ZNF695: variants seen among roughly 807,000 people sequenced by gnomAD.
ZNF695 encodes zinc finger protein SBZF3.
In ZNF695, 11 loss-of-function variants were observed where a neutral mutation model predicts 11.2. The ratio of observed to expected loss-of-function variants is 0.98; its 90% CI spans 0.62 to 1.62. The LOEUF is 1.62. ZNF695 is among the 40% of genes most tolerant of loss of function. The pLI is 0.00. For synonymous variants in ZNF695, 190 were observed against 201.4 expected (o/e 0.94, Z 0.48); for missense variants, 559 against 590.5 (o/e 0.95, Z 0.55).
chr1:246,987,248 G>T lies in ZNF695; in HGVS notation c.1267C>A (p.Leu423Ile), dbSNP rs1230828188. 6.2e-7 allele frequency: 1 copy of T among 1,613,972 alleles called. No individual in the cohort carries two copies. The highest frequency in any genetic ancestry group is 1.1e-5 in the South Asian group (1 of 91,082). ...CGKAFTWFSY[L>I]TQHKRIHTGE... is the part of the protein sequence containing the mutation. ...GTATGAATTCTCTTATGTTGAGTAA[G>T]GTATGAAAACCAGGTAAAAGCTTTG... The change falls in exon 4 of 4, where the codon CTT becomes ATT. Residue 423 changes from leucine (L) to isoleucine (I), a missense_variant. Physicochemically the swap from Leu to Ile is conservative, Grantham distance 5. Coordinates refer to ENST00000339986, the MANE Select transcript of ZNF695 (RefSeq NM_020394.5).
At chr1:246,952,661 C>T (rs1412976001) in intron 5 of ZNF695, among the ~76,000 whole-genome samples, 1 of 151,872 alleles carries the variant, frequency 6.6e-6, no homozygotes, top group Non-Finnish European at 1.5e-5. Context: ...ATCCTCCCTC[C>T]TCAGCCTCCT....
intron 5 of ZNF695, among the ~76,000 whole-genome samples, chr1:246,964,029 G>A (rs1179517385): frequency 6.6e-6 from 1 of 152,176 alleles, no homozygotes; most frequent in Non-Finnish European, 1.5e-5. Flanking sequence ...TTATTAGGAA[G>A]GATATTACAA....
In ZNF695 at chr1:246,985,878, T is replaced by C. The variant is rs543656330; in HGVS notation, c.*1089A>G. The C allele has an allele frequency of 1.1e-5, 11 of 985,418 alleles. No homozygotes were observed. In the Admixed American group the frequency reaches 6.8e-4, roughly 61 times the overall value. 61.0% of individuals were successfully genotyped at this position (985,418 alleles called of 1,614,324 possible). On this transcript the variant is annotated 3_prime_UTR_variant, in exon 4 of 4. Transcript: ENST00000339986. ...GTCCATAATCTTCCAAAGAAAAGGA[T>C]ATGAACAACACCCACCCGAATATAG...
chr1:247,003,443 A>G (rs928880416), intron 1 of ZNF695, among the ~76,000 whole-genome samples: 3 of 152,200 alleles, frequency 2.0e-5, no homozygotes, highest in African/African-American at 7.2e-5. Flanking sequence ...ACTAGGGCCG[A>G]CTTTAGAGTA....
chr1:246,973,361 T>C (rs1369372165), intron 4 of ZNF695, among the ~76,000 whole-genome samples: 1 of 152,254 alleles, frequency 6.6e-6, no homozygotes, highest in African/African-American at 2.4e-5. Context: ...ACGTCACATA[T>C]TTCTAATGAT....
chr1:247,007,794 T>G (rs1439489097), intron 1 of ZNF695, 112 bp downstream of exon 1: 2 of 1,341,104 alleles, frequency 1.5e-6, no homozygotes, highest in South Asian at 1.7e-5. Context: ...GGCCGCACAC[T>G]CCGGAGCCGA....
In ZNF695 at chr1:246,986,620, T is replaced by C. The variant is rs1023597207; in HGVS notation, c.*347A>G. ...GTGAACACTCTGGTGTTTTCTGAGG[T>C]ATATTTTTTGAACAAATGTTGTTTC... On this transcript the variant is annotated 3_prime_UTR_variant, in exon 4 of 4. Transcript: ENST00000339986. 5.9e-6 allele frequency: 6 copies of C among 1,016,102 alleles called. No homozygotes were observed. Among genetic ancestry groups the C allele is most frequent in the Non-Finnish European group, 7.1e-6 (6 of 850,352 alleles). 62.9% of individuals were successfully genotyped at this position (1,016,102 alleles called of 1,614,324 possible). A position where few individuals can be genotyped will look rare whatever the true frequency, so the allele number is the denominator to read the frequency against.
At chr1:246,962,040 CTT>C (rs1558305370) in intron 5 of ZNF695, among the ~76,000 whole-genome samples, 3 of 152,242 alleles carry the variant, frequency 2.0e-5, no homozygotes, top group African/African-American at 7.2e-5. Context: ...CTGAACTTCT[CTT>C]TAAGGAAATC....
At position 246,986,491 on chromosome 1, in the gene ZNF695, T is replaced by C; in HGVS notation, c.*476A>G. On this transcript the variant is annotated 3_prime_UTR_variant, in exon 4 of 4. Coordinates refer to ENST00000339986, the MANE Select transcript of ZNF695 (RefSeq NM_020394.5). ...AGATTTACAGTAATGTCTGAAAGTGTCAGTGACTTAGTGCTTTTTACTATG... is the reference window on the plus strand; with the variant it reads ...AGATTTACAGTAATGTCTGAAAGTGCCAGTGACTTAGTGCTTTTTACTATG... The C allele has an allele frequency of 1.0e-6, 1 of 987,506 alleles. No homozygotes were observed. Among genetic ancestry groups the C allele is most frequent in the Non-Finnish European group, 1.2e-6 (1 of 831,376 alleles). The allele number at this position is 987,506 out of a possible 1,614,324, so 61.2% of individuals were successfully genotyped here. A position where few individuals can be genotyped will look rare whatever the true frequency, so the allele number is the denominator to read the frequency against.
At chr1:246,952,701 C>G (rs1409901067) in intron 5 of ZNF695, among the ~76,000 whole-genome samples, 1 of 152,032 alleles carries the variant, frequency 6.6e-6, no homozygotes, top group Non-Finnish European at 1.5e-5. Flanking sequence ...TGCATTCCAG[C>G]ATGCTGGTGT....
At chr1:247,003,837 TC>T (rs1669458811) in intron 1 of ZNF695, among the ~76,000 whole-genome samples, 1 of 152,242 alleles carries the variant, frequency 6.6e-6, no homozygotes, top group East Asian at 1.9e-4. Flanking sequence ...TACATTATGT[TC>T]CACACTGAAA....
chr1:246,948,260 G>A (rs1375398515), intron 5 of ZNF695, among the ~76,000 whole-genome samples: 1 of 151,530 alleles, frequency 6.6e-6, no homozygotes, highest in Admixed American at 6.6e-5. Context: ...TTTTAGTAGA[G>A]ATGAGGTTTC....
chr1:246,964,331 C>T (rs1275163737), intron 5 of ZNF695, among the ~76,000 whole-genome samples: 1 of 152,086 alleles, frequency 6.6e-6, no homozygotes, highest in Non-Finnish European at 1.5e-5. Context: ...TGGTGACCAG[C>T]CCTATCCAGG....
At chr1:246,980,178 TA>T (rs71566679) in intron 4 of ZNF695, among the ~76,000 whole-genome samples, 9,428 of 88,746 alleles carry the variant, frequency 0.11, 563 homozygotes, top group African/African-American at 0.23. Flanking sequence ...ACTCTGTATT[TA>T]AAAAAAAAAA....
At chr1:246,991,495 C>A (rs1397815425) in intron 3 of ZNF695, among the ~76,000 whole-genome samples, 1 of 152,122 alleles carries the variant, frequency 6.6e-6, no homozygotes, top group Admixed American at 6.6e-5. Flanking sequence ...CAAAACAAGA[C>A]ACAAATAGCA....
intron 1 of ZNF695, among the ~76,000 whole-genome samples, chr1:247,002,712 G>A (rs565631287): frequency 2.0e-5 from 3 of 152,252 alleles, no homozygotes; most frequent in African/African-American, 7.2e-5. Flanking sequence ...GAACCCAGGG[G>A]GCAGAGGTTG....
At chr1:247,000,962 G>T (rs1669362097) in intron 1 of ZNF695, among the ~76,000 whole-genome samples, 1 of 152,162 alleles carries the variant, frequency 6.6e-6, no homozygotes, top group African/African-American at 2.4e-5. Context: ...GGAGGATGAG[G>T]CATGAGAATT....
At chr1:246,953,495 C>T (rs573937346) in intron 5 of ZNF695, among the ~76,000 whole-genome samples, 2 of 152,140 alleles carry the variant, frequency 1.3e-5, no homozygotes, top group East Asian at 3.9e-4. Context: ...CCTGTAGTCC[C>T]AGCTACTCGG....
intron 1 of ZNF695, among the ~76,000 whole-genome samples, chr1:247,001,047 A>C (rs1259173357): frequency 6.6e-6 from 1 of 152,162 alleles, no homozygotes; most frequent in African/African-American, 2.4e-5. Context: ...ACCACATATC[A>C]GTATTAACTT....
Sources: allele counts gnomAD v4.1 joint callset (sites outside exome capture counted in the v4.1 genomes callset), GRCh38; gene constraint gnomAD v4.1.1; transcripts MANE v1.5; gene names NCBI Gene and HGNC (gene_info 2026-07-23, HGNC 2026-07-21).